Variants in NPAS2 observed in about 807,000 individuals in gnomAD.
NPAS2 encodes neuronal PAS domain-containing protein 2.
A neutral mutation model predicts 107.5 loss-of-function variants in NPAS2; 23 were observed. That is an observed-to-expected ratio of 0.21 (90% CI 0.15 to 0.30). NPAS2 has a LOEUF of 0.30. Among genes scored for constraint, NPAS2 ranks in the 10% least tolerant of loss-of-function variants. The probability of loss-of-function intolerance (pLI) is 1.00; values close to 1 mark genes in which losing one functional copy is unlikely to be tolerated. For synonymous variants in NPAS2, 403 were observed against 417.5 expected (o/e 0.97, Z 0.42); for missense variants, 756 against 1,043.3 (o/e 0.72, Z 3.79).
chr2:100,930,699 A>G (rs551096814), intron 3 of NPAS2, among the ~76,000 whole-genome samples: 136 of 152,304 alleles, frequency 8.9e-4, no homozygotes, highest in African/African-American at 3.2e-3. Context: ...AGTGAATGAG[A>G]TGGCTGCTTT....
intron 2 of NPAS2, 46 bp downstream of exon 2, chr2:100,904,832 G>C: frequency 6.9e-7 from 1 of 1,443,114 alleles, no homozygotes; most frequent in South Asian, 1.2e-5. Context: ...TCTGGCCCCC[G>C]GGGGTCTGCC....
At chr2:100,931,640 CCA>C (rs1373969054) in intron 3 of NPAS2, among the ~76,000 whole-genome samples, 2 of 152,002 alleles carry the variant, frequency 1.3e-5, no homozygotes, top group Non-Finnish European at 2.9e-5. Flanking sequence ...GAGCCCACCA[CCA>C]CTCCCGGCTA....
intron 2 of NPAS2, among the ~76,000 whole-genome samples, chr2:100,912,103 T>A (rs557668421): frequency 2.8e-4 from 43 of 152,284 alleles, no homozygotes; most frequent in African/African-American, 1.0e-3. Context: ...ATATTTCAGT[T>A]CTACCAGAAA....
At chr2:100,850,103 A>G in intron 1 of NPAS2, among the ~76,000 whole-genome samples, 1 of 152,118 alleles carries the variant, frequency 6.6e-6, no homozygotes, top group Non-Finnish European at 1.5e-5. Context: ...ATTCAATGAA[A>G]TCACTAAAGA....
chr2:100,924,367 C>T (rs535064406), intron 2 of NPAS2, among the ~76,000 whole-genome samples: 13 of 152,340 alleles, frequency 8.5e-5, no homozygotes, highest in African/African-American at 2.9e-4. Flanking sequence ...ATTCACTGCC[C>T]TAAAAATCCT....
At chr2:100,967,309 C>G (rs1177218184) in intron 10 of NPAS2, among the ~76,000 whole-genome samples, 1 of 143,480 alleles carries the variant, frequency 7.0e-6, no homozygotes, top group East Asian at 2.1e-4. Context: ...TCGCTGCAAG[C>G]TCCGCCTCCC....
intron 15 of NPAS2, among the ~76,000 whole-genome samples, chr2:100,981,937 G>A (rs1002293242): frequency 6.6e-6 from 1 of 152,206 alleles, no homozygotes; most frequent in African/African-American, 2.4e-5. Flanking sequence ...ACAAAATCCT[G>A]TCCCAATTCT....
intron 14 of NPAS2, among the ~76,000 whole-genome samples, chr2:100,977,313 A>T (rs1409614590): frequency 6.6e-6 from 1 of 152,158 alleles, no homozygotes; most frequent in East Asian, 1.9e-4. Flanking sequence ...ACAGCAGCTC[A>T]TGGTAGCAGT....
chr2:100,884,015 G>A (rs954595091), intron 1 of NPAS2, among the ~76,000 whole-genome samples: 2 of 152,162 alleles, frequency 1.3e-5, no homozygotes, highest in Non-Finnish European at 2.9e-5. Context: ...TCCGTGGGGA[G>A]CACAGCCAGA....
intron 2 of NPAS2, among the ~76,000 whole-genome samples, chr2:100,918,039 A>G (rs1682996758): frequency 6.9e-6 from 1 of 145,284 alleles, no homozygotes. Flanking sequence ...TCAACAAAAC[A>G]TTAGCAAATT....
chr2:100,974,760 C>A (rs1180355604), intron 12 of NPAS2, 43 bp from the exon 13 acceptor site: 2 of 1,583,954 alleles, frequency 1.3e-6, no homozygotes, highest in Non-Finnish European at 1.7e-6. Context: ...TGATTCTTTC[C>A]TCTTGATGCT....
chr2:100,898,818 G>A (rs892213880), intron 1 of NPAS2, among the ~76,000 whole-genome samples: 5 of 150,792 alleles, frequency 3.3e-5, no homozygotes, highest in African/African-American at 1.2e-4. Context: ...GAAAGTTGAA[G>A]GAAAACACAT....
At chr2:100,854,562 T>A (rs1678435804) in intron 1 of NPAS2, among the ~76,000 whole-genome samples, 1 of 152,170 alleles carries the variant, frequency 6.6e-6, no homozygotes, top group African/African-American at 2.4e-5. Context: ...CTTTTATACA[T>A]CAGTCCTAGG....
intron 1 of NPAS2, among the ~76,000 whole-genome samples, chr2:100,890,952 T>G (rs1442092754): frequency 6.6e-6 from 1 of 151,652 alleles, no homozygotes; most frequent in Non-Finnish European, 1.5e-5. Flanking sequence ...GTGAGGATGG[T>G]CCAGGCGCAG....
chr2:100,831,126 C>G (rs561068739), intron 1 of NPAS2, among the ~76,000 whole-genome samples: 1 of 151,916 alleles, frequency 6.6e-6, no homozygotes, highest in Non-Finnish European at 1.5e-5. Context: ...ATGGTGAAAC[C>G]GCTTCTGTAC....
intron 1 of NPAS2, among the ~76,000 whole-genome samples, chr2:100,887,635 C>T (rs1457322547): frequency 6.6e-6 from 1 of 152,100 alleles, no homozygotes; most frequent in African/African-American, 2.4e-5. Context: ...AGGGAAATGG[C>T]AATGTGTCAA....
chr2:100,990,817 G>C lies in NPAS2; in HGVS notation c.2056G>C (p.Gly686Arg). 1 of 1,614,128 alleles carries C rather than the reference G, an allele frequency of 6.2e-7. No homozygotes were observed. The highest frequency in any genetic ancestry group is 8.5e-7 in the Non-Finnish European group (1 of 1,180,020). The change falls in exon 19 of 21, where the codon GGG (glycine) becomes CGG (arginine). Residue 686 changes from glycine to arginine, a missense_variant. By Grantham distance (125) the Gly-to-Arg change is moderately radical (BLOSUM62 -2). Around this residue, in one of 4 missense-constraint regions of NPAS2, gnomAD observed 496 missense variants for 594.4 expected, o/e 0.83. Coordinates refer to ENST00000335681, the MANE Select transcript of NPAS2 (RefSeq NM_002518.4). Reference protein sequence around the residue: ...LSQPIQPMMPGSCDARQPSEV... With the variant: ...LSQPIQPMMPRSCDARQPSEV... ...CCAGCCCATCCAGCCCATGATGCCC[G>C]GGTCCTGTGACGCAAGGCAGCCCTC...
At chr2:100,826,179 C>CA (rs1204996566) in intron 1 of NPAS2, among the ~76,000 whole-genome samples, 1 of 152,330 alleles carries the variant, frequency 6.6e-6, no homozygotes, top group East Asian at 1.9e-4. Context: ...TGCACTGACT[C>CA]ACGCCTGTAA....
intron 1 of NPAS2, among the ~76,000 whole-genome samples, chr2:100,841,534 T>C (rs1002936017): frequency 6.6e-6 from 1 of 152,184 alleles, no homozygotes; most frequent in Non-Finnish European, 1.5e-5. Context: ...ACAAGCATAA[T>C]CCCTATTTGT....
Sources: gnomAD v4.1 joint callset for allele counts (sites outside exome capture counted in the v4.1 genomes callset) on GRCh38, gnomAD v4.1.1 for gene constraint, gnomAD v4.1.1 regional missense constraint, MANE v1.5 for transcripts, NCBI Gene and HGNC (gene_info 2026-07-23, HGNC 2026-07-21) for gene names.